PRIM2: variants seen among roughly 807,000 people sequenced by gnomAD.
PRIM2 encodes DNA primase large subunit.
In PRIM2, 39 loss-of-function variants were observed where a neutral mutation model predicts 67.3. The ratio of observed to expected loss-of-function variants is 0.58; its 90% confidence interval spans 0.45 to 0.76. The LOEUF (loss-of-function observed/expected upper bound fraction) is 0.76. PRIM2 is among the 30% of genes least tolerant of loss of function. PRIM2 has a pLI of 0.00. For synonymous variants in PRIM2, 143 were observed against 198.7 expected (o/e 0.72, Z 2.36); for missense variants, 398 against 598.7 (o/e 0.66, Z 3.50).
chr6:57,257,079 T>A, the PRIM2 span, among the ~76,000 whole-genome samples: 2 of 152,158 alleles, frequency 1.3e-5, no homozygotes, highest in Non-Finnish European at 2.9e-5. Context: ...CCTGGGCCAG[T>A]GCTTCTCAAT....
intron 12 of PRIM2, among the ~76,000 whole-genome samples, chr6:57,627,771 TTATC>T (rs1776977801): frequency 1.3e-5 from 2 of 152,350 alleles, no homozygotes; most frequent in South Asian, 4.1e-4. Flanking sequence ...ATTTTGTACT[TTATC>T]TGGAAATACT....
Position 57,499,668 on chromosome 6 carries a change from A to G in PRIM2, c.694-7719A>G, listed in dbSNP as rs1241679446. 2.6e-5 allele frequency among the ~76,000 whole-genome samples: 4 copies of G among 152,194 alleles called. No homozygotes were observed. The South Asian group carries it at 6.2e-4, about 24-fold the overall frequency. On this transcript the variant is annotated intron_variant, in intron 7 of 13. Transcript: ENST00000615550. ...TCGGTCTTCATTTCTGAAGGCTCCC[A>G]TATCACATAAAACTTAAATTTGTAT...
At chr6:57,243,311 C>T in the PRIM2 span, among the ~76,000 whole-genome samples, 1 of 151,992 alleles carries the variant, frequency 6.6e-6, no homozygotes, top group African/African-American at 2.4e-5. Flanking sequence ...CTATTGAAAG[C>T]CTGAGTTCAG....
At chr6:57,383,457 A>G (rs1770028603) in intron 7 of PRIM2, 1 of 151,796 alleles carries the variant, frequency 6.6e-6, no homozygotes, top group Non-Finnish European at 1.5e-5. Context: ...TAATGCTACT[A>G]TTAATCTGAT....
intron 12 of PRIM2, among the ~76,000 whole-genome samples, chr6:57,608,742 A>G (rs1445175451): frequency 6.6e-6 from 1 of 151,868 alleles, no homozygotes; most frequent in Non-Finnish European, 1.5e-5. Flanking sequence ...AGTGCCAGTA[A>G]AGGGGATGCT....
upstream of PRIM2, among the ~76,000 whole-genome samples, chr6:57,310,419 A>G (rs541247889): frequency 2.9e-4 from 44 of 152,380 alleles, no homozygotes; most frequent in Non-Finnish European, 3.5e-4. Flanking sequence ...TTCTTAGTAC[A>G]GAACAAAATG....
intron 10 of PRIM2, among the ~76,000 whole-genome samples, chr6:57,540,828 C>G (rs1217446184): frequency 6.6e-6 from 1 of 152,260 alleles, no homozygotes; most frequent in African/African-American, 2.4e-5. Context: ...AATTTAATAG[C>G]CCCACCCTGT....
chr6:57,515,061 C>CTA (rs1445092118), intron 8 of PRIM2, among the ~76,000 whole-genome samples: 1 of 152,190 alleles, frequency 6.6e-6, no homozygotes, highest in Non-Finnish European at 1.5e-5. Context: ...GCAACCAACA[C>CTA]TAAGCTTCTT....
intron 6 of PRIM2, among the ~76,000 whole-genome samples, chr6:57,381,263 G>A (rs974532075): frequency 3.3e-5 from 5 of 152,156 alleles, no homozygotes; most frequent in Admixed American, 6.5e-5. Context: ...ACAGAAAATT[G>A]TATGCATTTA....
the PRIM2 span, among the ~76,000 whole-genome samples, chr6:57,229,178 C>T: frequency 3.8e-3 from 580 of 152,280 alleles, 3 homozygotes; most frequent in African/African-American, 0.013. Context: ...AATATTGCCT[C>T]TAACCCATTC....
chr6:57,430,377 A>G (rs538217732), intron 7 of PRIM2, among the ~76,000 whole-genome samples: 4 of 152,116 alleles, frequency 2.6e-5, no homozygotes, highest in African/African-American at 7.2e-5. Flanking sequence ...AAGGTTGTCT[A>G]TAAATAAGAT....
chr6:57,544,069 C>T (rs1775236083), intron 10 of PRIM2, among the ~76,000 whole-genome samples: 1 of 152,158 alleles, frequency 6.6e-6, no homozygotes, highest in African/African-American at 2.4e-5. Flanking sequence ...AGGAAAGAAA[C>T]ACGAAAAGCA....
At chr6:57,299,269 A>G in the PRIM2 span, among the ~76,000 whole-genome samples, 1 of 152,178 alleles carries the variant, frequency 6.6e-6, no homozygotes, top group East Asian at 1.9e-4. Context: ...TGATTAACTG[A>G]TAGAATTTTC....
At chr6:57,354,931 T>C (rs1768976415) in intron 5 of PRIM2, among the ~76,000 whole-genome samples, 1 of 152,256 alleles carries the variant, frequency 6.6e-6, no homozygotes, top group South Asian at 2.1e-4. Context: ...GGCTCTTTTT[T>C]CTTCCTGCTG....
rs1409663150 is a variant in PRIM2, at chr6:57,646,828, T to C, written c.*670T>C. On this transcript the variant is annotated 3_prime_UTR_variant, in exon 14 of 14. Transcript: ENST00000615550. ...GACTCAATCCTTTTCTGGACCATTT[T>C]TGTTAATAAATATCAAAGTGTACAT... The C allele has an allele frequency of 6.6e-6, 1 of 152,230 alleles. No homozygotes were observed. The highest frequency in any genetic ancestry group is 1.5e-5 in the Non-Finnish European group (1 of 68,042). 9.4% of individuals were successfully genotyped at this position (152,230 alleles called of 1,614,324 possible).
At chr6:57,441,555 GTTTCTGC>G (rs944236506) in intron 7 of PRIM2, among the ~76,000 whole-genome samples, 1 of 152,062 alleles carries the variant, frequency 6.6e-6, no homozygotes, top group African/African-American at 2.4e-5. Flanking sequence ...TACAGACATG[GTTTCTGC>G]TTTTACAAGT....
intron 10 of PRIM2, among the ~76,000 whole-genome samples, chr6:57,584,042 G>GT (rs1429412491): frequency 1.3e-4 from 20 of 151,732 alleles, no homozygotes; most frequent in African/African-American, 3.9e-4. Context: ...TGTTACCCTG[G>GT]TTTTTTTTGT....
At chr6:57,472,977 A>T (rs1300682112) in intron 7 of PRIM2, among the ~76,000 whole-genome samples, 1 of 152,196 alleles carries the variant, frequency 6.6e-6, no homozygotes, top group Non-Finnish European at 1.5e-5. Flanking sequence ...TGTGTGTTGC[A>T]TGTGGTGCAT....
chr6:57,446,433 T>TTTTTTTTTTTTTTTTTG (rs1772369420), intron 7 of PRIM2, among the ~76,000 whole-genome samples: 2 of 143,322 alleles, frequency 1.4e-5, no homozygotes, highest in African/African-American at 2.6e-5. Context: ...TTTTTTTTTT[T>TTTTTTTTTTTTTTTTTG]GAGACAGTCT....
Sources: allele counts gnomAD v4.1 joint callset (sites outside exome capture counted in the v4.1 genomes callset), GRCh38; gene constraint gnomAD v4.1.1; transcripts MANE v1.5; gene names NCBI Gene and HGNC (gene_info 2026-07-23, HGNC 2026-07-21).